Variants in GLCCI1 observed in about 807,000 individuals in gnomAD.
The protein encoded by GLCCI1 is glucocorticoid-induced transcript 1 protein.
A neutral mutation model predicts 52.2 loss-of-function variants in GLCCI1; 24 were observed. The ratio of observed to expected loss-of-function variants is 0.46; its 90% CI spans 0.33 to 0.65. GLCCI1 has a LOEUF of 0.65. Ranked by LOEUF, GLCCI1 falls within the 30% of genes least tolerant of loss-of-function variation. The probability of loss-of-function intolerance (pLI) is 0.02; values close to 1 mark genes in which losing one functional copy is unlikely to be tolerated. For synonymous variants in GLCCI1, 310 were observed against 276.5 expected, an observed-to-expected ratio of 1.12 and a Z score of -1.20; for missense variants, 704 against 701.5, an observed-to-expected ratio of 1.00 and a Z score of -0.04.
chr7:7,986,968 C>T (rs1028585128), intron 1 of GLCCI1, among the ~76,000 whole-genome samples: 3 of 152,154 alleles, frequency 2.0e-5, no homozygotes, highest in East Asian at 1.9e-4. Context: ...CTAATTATTA[C>T]TTCTTGCTTG....
intron 3 of GLCCI1, among the ~76,000 whole-genome samples, chr7:8,037,810 G>A (rs917671587): frequency 6.6e-6 from 1 of 152,108 alleles, no homozygotes; most frequent in South Asian, 2.1e-4. Flanking sequence ...ATTATATAAT[G>A]ATAAAGGGAT....
intron 3 of GLCCI1, among the ~76,000 whole-genome samples, chr7:8,037,799 C>T (rs771879651): frequency 1.2e-4 from 19 of 152,040 alleles, no homozygotes; most frequent in Non-Finnish European, 2.4e-4. Context: ...AAGATAAGGT[C>T]ATTATATAAT....
chr7:8,034,485 A>G (rs1441165120), intron 3 of GLCCI1, among the ~76,000 whole-genome samples: 1 of 152,218 alleles, frequency 6.6e-6, no homozygotes, highest in African/African-American at 2.4e-5. Flanking sequence ...AAGGGCTTCT[A>G]TGTAGAATAT....
chr7:7,988,717 C>G (rs1780784786), intron 1 of GLCCI1, among the ~76,000 whole-genome samples: 1 of 152,126 alleles, frequency 6.6e-6, no homozygotes, highest in Non-Finnish European at 1.5e-5. Flanking sequence ...AAAATTTGGA[C>G]AGACTGTCTC....
At chr7:7,973,878 G>A (rs915811096) in intron 1 of GLCCI1, among the ~76,000 whole-genome samples, 1 of 151,688 alleles carries the variant, frequency 6.6e-6, no homozygotes, top group East Asian at 1.9e-4. Flanking sequence ...TTTTTATACT[G>A]TGCTCAATGG....
chr7:8,032,677 T>C (rs1781780661), intron 3 of GLCCI1, among the ~76,000 whole-genome samples: 1 of 151,850 alleles, frequency 6.6e-6, no homozygotes, highest in Admixed American at 6.6e-5. Flanking sequence ...CACAAATTAG[T>C]AGAAAGGTAT....
chr7:8,010,023 G>A (rs1310819567), intron 2 of GLCCI1, among the ~76,000 whole-genome samples: 1 of 151,356 alleles, frequency 6.6e-6, no homozygotes, highest in Non-Finnish European at 1.5e-5. Context: ...ATCTTTAATG[G>A]TTTATTTTCC....
chr7:7,996,244 A>G (rs1490813886), intron 1 of GLCCI1, among the ~76,000 whole-genome samples: 1 of 152,164 alleles, frequency 6.6e-6, no homozygotes. Flanking sequence ...CTCATTAGTC[A>G]TAGTGGATTT....
chr7:7,976,878 C>T (rs1375703845), intron 1 of GLCCI1, among the ~76,000 whole-genome samples: 3 of 151,678 alleles, frequency 2.0e-5, no homozygotes, highest in South Asian at 4.2e-4. Context: ...GCTGAAATCA[C>T]CCTACTGCAC....
chr7:7,985,533 CT>C (rs1386585093), intron 1 of GLCCI1, among the ~76,000 whole-genome samples: 1 of 97,032 alleles, frequency 1.0e-5, no homozygotes, highest in Non-Finnish European at 2.0e-5. Context: ...TATCCTGGAA[CT>C]TTAAGTTAAA....
intron 1 of GLCCI1, among the ~76,000 whole-genome samples, chr7:7,973,413 C>CATGTGTGTGTGTGT (rs1554257314): frequency 1.4e-5 from 2 of 147,590 alleles, no homozygotes; most frequent in Non-Finnish European, 3.0e-5. Flanking sequence ...TCTTTGTGTG[C>CATGTGTGTGTGTGT]GTGTGTGTGT....
At chr7:7,978,147 T>C (rs1420440655) in intron 1 of GLCCI1, among the ~76,000 whole-genome samples, 1 of 152,238 alleles carries the variant, frequency 6.6e-6, no homozygotes, top group Non-Finnish European at 1.5e-5. Context: ...AAAGGACCTA[T>C]CACTTTGTTT....
intron 1 of GLCCI1, among the ~76,000 whole-genome samples, chr7:7,991,719 T>TCTTC (rs1396571119): frequency 1.3e-4 from 20 of 152,104 alleles, no homozygotes; most frequent in Non-Finnish European, 1.8e-4. Flanking sequence ...TCTACATGGC[T>TCTTC]CTTCTTCAAC....
chr7:8,019,054 C>G (rs1029066067), intron 2 of GLCCI1, among the ~76,000 whole-genome samples: 2 of 152,178 alleles, frequency 1.3e-5, no homozygotes, highest in African/African-American at 4.8e-5. Flanking sequence ...AAATTAGTCA[C>G]TTCTGTGACT....
At chr7:8,078,108 C>T (rs531076094) in intron 6 of GLCCI1, among the ~76,000 whole-genome samples, 2 of 150,662 alleles carry the variant, frequency 1.3e-5, no homozygotes, top group Non-Finnish European at 2.9e-5. Context: ...GTGGCGGGCA[C>T]CTGTAGTCCC....
rs892088045 is a variant in GLCCI1 at position 7,969,639 on chromosome 7, G to C, written c.289G>C (p.Gly97Arg). 9 of 1,013,908 alleles carry C rather than the reference G, an allele frequency of 8.9e-6. No individual in the cohort carries two copies. The African/African-American group carries it at 1.6e-4, about 18-fold the overall frequency. 62.8% of individuals were successfully genotyped at this position (1,013,908 alleles called of 1,614,324 possible). A position where few individuals can be genotyped will look rare whatever the true frequency, so the allele number is the denominator to read the frequency against. ...CGCCGCCTCGCTGGGCAGCCTCCCG[G>C]GGCCCGGCGCGGCCCGCGGCCCCAG... ...AAAASLGSLP[G>R]PGAARGPSPS... The change falls in exon 1 of 8, where the codon GGG becomes CGG. Residue 97 changes from glycine to arginine, a missense_variant. Around this residue, in one of 3 missense-constraint regions of GLCCI1, gnomAD observed 547 missense variants for 524.8 expected, o/e 1.04. Coordinates refer to ENST00000223145, the MANE Select transcript of GLCCI1 (RefSeq NM_138426.4). This position sits in a 1 kb window ranked among gnomAD's most constrained non-coding sequence, Gnocchi z 4.9.
intron 4 of GLCCI1, chr7:8,055,805 G>C (rs1327260038): frequency 8.5e-6 from 2 of 236,550 alleles, no homozygotes; most frequent in Admixed American, 1.0e-4. Flanking sequence ...CTGGCTAACA[G>C]GGTGAAACCG....
At chr7:8,051,292 C>T (rs1292281714) in intron 3 of GLCCI1, among the ~76,000 whole-genome samples, 5 of 152,170 alleles carry the variant, frequency 3.3e-5, no homozygotes, top group Non-Finnish European at 5.9e-5. Flanking sequence ...TTCTATTTTC[C>T]GGTAGCTCAT....
At chr7:8,052,317 T>G (rs566817661) in intron 3 of GLCCI1, among the ~76,000 whole-genome samples, 10 of 152,342 alleles carry the variant, frequency 6.6e-5, no homozygotes, top group African/African-American at 2.4e-4. Context: ...TATTCAGAGT[T>G]TCTAACTATT....
Sources: allele counts gnomAD v4.1 joint callset (sites outside exome capture counted in the v4.1 genomes callset), GRCh38; gene constraint gnomAD v4.1.1; regional missense constraint gnomAD v4.1.1; non-coding constraint Gnocchi (gnomAD v3.1); transcripts MANE v1.5; gene names NCBI Gene and HGNC (gene_info 2026-07-23, HGNC 2026-07-21).